The following THOP1 variants were observed in gnomAD, a reference collection of about 807,000 sequenced individuals.
THOP1 encodes the protein thimet oligopeptidase.
In THOP1, 49 loss-of-function variants were observed where a neutral mutation model predicts 71.8. The ratio of observed to expected loss-of-function variants is 0.68; its 90% CI spans 0.54 to 0.87. The LOEUF (loss-of-function observed/expected upper bound fraction) is 0.87, where lower values mean the gene tolerates loss of function less well. THOP1 is among the 40% of genes least tolerant of loss of function. THOP1 has a pLI of 0.00. For missense variants in THOP1, 843 were observed against 975.6 expected (o/e 0.86, Z 1.81); for synonymous variants, 426 against 421.5 (o/e 1.01, Z -0.13).
intron 11 of THOP1, among the ~76,000 whole-genome samples, chr19:2,811,356 G>T (rs896041749): frequency 6.6e-6 from 1 of 152,220 alleles, no homozygotes; most frequent in Non-Finnish European, 1.5e-5. Flanking sequence ...TTGCTCTGTG[G>T]CAGCTGACAG....
Position 2,814,421 on chromosome 19 carries a change from G to A in THOP1, c.*1145G>A, listed in dbSNP as rs139310903. The A allele has an allele frequency of 2.6e-5, 4 of 152,424 alleles. No homozygotes were observed. The highest frequency in any genetic ancestry group is 5.9e-5 in the Non-Finnish European group (4 of 68,060). 9.4% of individuals were successfully genotyped at this position (152,424 alleles called of 1,614,324 possible). A position where few individuals can be genotyped will look rare whatever the true frequency, so the allele number is the denominator to read the frequency against. ...CCTCCACGAAGGACGCTGGTCAGCA[G>A]AACCTGTGACCCTGCTTCCCGAGGC... On this transcript the variant is annotated 3_prime_UTR_variant, in exon 13 of 13. Transcript: ENST00000307741.
chr19:2,797,971 G>A (rs1490378033), intron 4 of THOP1, among the ~76,000 whole-genome samples: 1 of 152,174 alleles, frequency 6.6e-6, no homozygotes, highest in Non-Finnish European at 1.5e-5. Flanking sequence ...CTCGGGGACT[G>A]GGGGTCCTCA....
intron 4 of THOP1, 29 bp from the exon 5 acceptor site, chr19:2,799,660 C>G (rs779783387): frequency 2.5e-6 from 4 of 1,588,746 alleles, no homozygotes; most frequent in Non-Finnish European, 3.5e-6. Flanking sequence ...CGGTCTCTCC[C>G]TCCCCTCACG....
rs1223359919 is a variant in THOP1, at chr19:2,785,804, AG to A, written c.16+127del. 7 of 919,416 alleles carry A rather than the reference AG, an allele frequency of 7.6e-6. No individual in the cohort carries two copies. The African/African-American group carries it at 1.0e-4, about 14-fold the overall frequency. 57.0% of individuals were successfully genotyped at this position (919,416 alleles called of 1,614,324 possible). The stretch of plus-strand genomic sequence containing the variant: ...CCACCCTCGGCCGGGCTGGAGGGGC[AG>A]CGGGGGAGGTGGACGACCCTGCTCT... On this transcript the variant is annotated intron_variant, in intron 1 of 12. Coordinates refer to ENST00000307741, the MANE Select transcript of THOP1 (RefSeq NM_003249.5).
chr19:2,808,458 C>G lies in THOP1; in HGVS notation c.1455+14C>G, dbSNP rs200160673. 1.9e-6 allele frequency: 3 copies of G among 1,577,360 alleles called. No individual in the cohort carries two copies. The highest frequency in any genetic ancestry group is 2.6e-6 in the Non-Finnish European group (3 of 1,159,146). On this transcript the variant is annotated intron_variant, in intron 9 of 12. Coordinates refer to ENST00000307741, the MANE Select transcript of THOP1 (RefSeq NM_003249.5). ...CTCTGCTCCCAGGTGGGTGCGGGCC[C>G]GGGCAGGGGCAGGGGCAGGGGCAGG...
At chr19:2,787,114 G>A (rs569749978) in intron 1 of THOP1, 2 of 152,020 alleles carry the variant, frequency 1.3e-5, no homozygotes, top group Non-Finnish European at 1.5e-5. Flanking sequence ...GGCCAGGGTG[G>A]TCTCGAACTT....
chr19:2,793,887 G>T (rs73522781), intron 2 of THOP1, among the ~76,000 whole-genome samples: 3,857 of 152,138 alleles, frequency 0.025, 144 homozygotes, highest in African/African-American at 0.087. Flanking sequence ...TGTCAATTGT[G>T]AATCGCGCTG....
intron 1 of THOP1, 79 bp downstream of exon 1, chr19:2,785,757 C>T (rs1335092123): frequency 1.1e-5 from 14 of 1,270,944 alleles, no homozygotes; most frequent in African/African-American, 1.5e-5. Context: ...GGGCCTAAGG[C>T]TGGAGCGAAG....
rs755750097 is a variant in THOP1 at position 2,796,128 on chromosome 19, G to A, written c.426G>A (p.Leu142=). ...TGAGGCCCGAGGCTGCGCGGTACCT[G>A]GAGCGGCTAATCAAGCTGGGCCGGA... is the stretch of plus-strand genomic sequence containing the variant. ...DSLRPEAARY[L]ERLIKLGRRN... The change falls in exon 4 of 13, where the codon CTG becomes CTA. Residue 142 remains leucine (L), a synonymous_variant. Transcript: ENST00000307741. 3 of 1,613,840 alleles carry A rather than the reference G, an allele frequency of 1.9e-6. No individual in the cohort carries two copies. The highest frequency in any genetic ancestry group is 2.7e-5 in the African/African-American group (2 of 74,910).
rs775711820 is a variant in THOP1 at position 2,812,054 on chromosome 19, C to T, written c.1908+320C>T. 2.0e-5 allele frequency: 23 copies of T among 1,165,030 alleles called. No homozygotes were observed. The Admixed American group carries it at 3.9e-4, about 20-fold the overall frequency. 72.2% of individuals were successfully genotyped at this position (1,165,030 alleles called of 1,614,324 possible). A position where few individuals can be genotyped will look rare whatever the true frequency, so the allele number is the denominator to read the frequency against. On this transcript the variant is annotated intron_variant, in intron 12 of 12. Coordinates refer to ENST00000307741, the MANE Select transcript of THOP1 (RefSeq NM_003249.5). ...AGCTCCACACTGGCCCCTCAGGCCT[C>T]GGGCTGTGAGTGCTGGGAGCTCCGT...
intron 2 of THOP1, among the ~76,000 whole-genome samples, chr19:2,792,101 C>G (rs1414016296): frequency 6.6e-6 from 1 of 152,268 alleles, no homozygotes; most frequent in African/African-American, 2.4e-5. Context: ...CTGCACGGTA[C>G]TGACACTGTC....
At chr19:2,794,989 A>G (rs1915980195) in intron 3 of THOP1, 77 bp downstream of exon 3, 1 of 1,537,330 alleles carries the variant, frequency 6.5e-7, no homozygotes, top group Middle Eastern at 2.0e-4. Flanking sequence ...ACACCCGGCT[A>G]ATTTTTGTAT....
At chr19:2,788,468 G>C (rs1172650919) in intron 1 of THOP1, among the ~76,000 whole-genome samples, 8 of 152,138 alleles carry the variant, frequency 5.3e-5, no homozygotes, top group Admixed American at 5.2e-4. Flanking sequence ...ACCAGGAGTT[G>C]GCAAACTCCA....
rs1209022222 is a variant in THOP1 at position 2,801,588 on chromosome 19, G to A, written c.589+1797G>A. On this transcript the variant is annotated intron_variant, in intron 5 of 12. Coordinates refer to ENST00000307741, the MANE Select transcript of THOP1 (RefSeq NM_003249.5). The surrounding 1 kb of genome is among the most constrained non-coding windows in gnomAD (Gnocchi z 5.1). ...CATTTCTCAGGAGACGCCTTGCGAT[G>A]GTCTTAGTTCCTTTTCTTCTGCTTA... 6.6e-6 allele frequency among the ~76,000 whole-genome samples: 1 copy of A among 152,166 alleles called. No homozygotes were observed. Among genetic ancestry groups the A allele is most frequent in the Non-Finnish European group, 1.5e-5 (1 of 68,030 alleles).
rs73524708 is a variant in THOP1 at position 2,807,290 on chromosome 19, T to C, written c.887-152T>C. The C allele has an allele frequency of 0.011, 14,755 of 1,324,082 alleles. 1,253 individuals are homozygous for C. The African/African-American group carries it at 0.19, about 17-fold the overall frequency. The allele number at this position is 1,324,082 out of a possible 1,614,324, so 82.0% of individuals were successfully genotyped here. On this transcript the variant is annotated intron_variant, in intron 7 of 12. Transcript: ENST00000307741. ...CCCCGCCGCCCCCTCACCCTGAGCG[T>C]GAGGATGCTCGGCCCCTCGAGGGGT...
chr19:2,812,949 A>T (rs985086607), intron 12 of THOP1, among the ~76,000 whole-genome samples, 166 bp from the exon 13 acceptor site: 5 of 151,930 alleles, frequency 3.3e-5, no homozygotes, highest in African/African-American at 1.2e-4. Flanking sequence ...GATGAAAGGC[A>T]CCTGCGCTCT....
In THOP1 at chr19:2,808,388, G is replaced by A. The variant is rs1055507788; in HGVS notation, c.1399G>A (p.Glu467Lys). The A allele has an allele frequency of 8.1e-6, 13 of 1,611,554 alleles. No individual in the cohort carries two copies. Among genetic ancestry groups the A allele is most frequent in the East Asian group, 4.5e-5 (2 of 44,830 alleles). Residue 467 changes from glutamate to lysine, a missense_variant, in exon 9 of 13, where the codon GAG becomes AAG. By Grantham distance (56) the Glu-to-Lys change is moderately conservative. Coordinates refer to ENST00000307741, the MANE Select transcript of THOP1 (RefSeq NM_003249.5). ...ADAPSLLQHD[E>K]VETYFHEFGH... Reference sequence around the variant, plus strand: ...CGCGCCCTCGCTGCTGCAGCATGACGAGGTGGAGACCTACTTCCATGAGTT... The same window carrying A: ...CGCGCCCTCGCTGCTGCAGCATGACAAGGTGGAGACCTACTTCCATGAGTT...
At chr19:2,787,814 C>T (rs895403972) in intron 1 of THOP1, among the ~76,000 whole-genome samples, 6 of 152,146 alleles carry the variant, frequency 3.9e-5, no homozygotes, top group Admixed American at 1.3e-4. Context: ...AGGCCGGGGA[C>T]GCTGCTCAGC....
Position 2,813,381 on chromosome 19 carries a change from C to A in THOP1, c.*105C>A. On this transcript the variant is annotated 3_prime_UTR_variant, in exon 13 of 13. Coordinates refer to ENST00000307741, the MANE Select transcript of THOP1 (RefSeq NM_003249.5). ...GCTCTGGCACAGTGCCTGGGACTGG[C>A]AGGGTGGCTGAGCGGCTGTCTTGCC... The A allele has an allele frequency of 7.4e-7, 1 of 1,350,196 alleles. No individual in the cohort carries two copies. The highest frequency in any genetic ancestry group is 9.8e-7 in the Non-Finnish European group (1 of 1,018,076). 83.6% of individuals were successfully genotyped at this position (1,350,196 alleles called of 1,614,324 possible).
Sources: gnomAD v4.1 joint callset for allele counts (sites outside exome capture counted in the v4.1 genomes callset) on GRCh38, gnomAD v4.1.1 for gene constraint, Gnocchi (gnomAD v3.1) non-coding constraint, MANE v1.5 for transcripts, NCBI Gene and HGNC (gene_info 2026-07-23, HGNC 2026-07-21) for gene names.